Variants in KCNQ1OT1 observed in about 807,000 individuals in gnomAD.
The protein encoded by KCNQ1OT1 is KCNQ1 antisense RNA 2 (non-protein coding).
Position 2,671,829 on chromosome 11 carries a change from G to T in KCNQ1OT1, n.28166C>A, listed in dbSNP as rs745620194. On this transcript the variant is annotated non_coding_transcript_exon_variant, in exon 1 of 1. Transcript: ENST00000597346. The surrounding 1 kb of genome is among the most constrained non-coding windows in gnomAD (Gnocchi z 4.7). ...AATAAATCCCTGCAACCCCACTGTG[G>T]TTATAGGTCTGAGCCTTCTGCCCCA... 2.1e-4 allele frequency: 84 copies of T among 398,690 alleles called. No homozygotes were observed. Among genetic ancestry groups the T allele is most frequent in the Non-Finnish European group, 3.3e-4 (75 of 226,184 alleles). 24.7% of individuals were successfully genotyped at this position (398,690 alleles called of 1,614,324 possible).
In KCNQ1OT1 at chr11:2,657,081, T is replaced by C. The variant is rs1849863551; in HGVS notation, n.42914A>G. 2.5e-6 allele frequency: 1 copy of C among 398,654 alleles called. No homozygotes were observed. Among genetic ancestry groups the C allele is most frequent in the Admixed American group, 4.4e-5 (1 of 22,738 alleles). 24.7% of individuals were successfully genotyped at this position (398,654 alleles called of 1,614,324 possible). On this transcript the variant is annotated non_coding_transcript_exon_variant, in exon 1 of 1. Coordinates refer to ENST00000597346, the Ensembl canonical transcript of KCNQ1OT1. This position sits in a 1 kb window ranked among gnomAD's most constrained non-coding sequence, Gnocchi z 4.8. Reference sequence around the variant, plus strand: ...GCTCAATCCTGTCCCATTGGCCTATTTGTCTCTCCCTGTGTCAATACCACA... The same window carrying C: ...GCTCAATCCTGTCCCATTGGCCTATCTGTCTCTCCCTGTGTCAATACCACA...
exon 1 of KCNQ1OT1, chr11:2,675,266 A>G: frequency 2.5e-6 from 1 of 398,650 alleles, no homozygotes; most frequent in Non-Finnish European, 4.4e-6. Flanking sequence ...AGAAGTGAAG[A>G]TAACTCACCT....
chr11:2,685,858 C>T, exon 1 of KCNQ1OT1: 1 of 398,742 alleles, frequency 2.5e-6, no homozygotes, highest in Non-Finnish European at 4.4e-6. Flanking sequence ...CCTGCTTCAC[C>T]CAGGACTCAG....
At chr11:2,618,885 G>C (rs918342847) in exon 1 of KCNQ1OT1, 4 of 398,032 alleles carry the variant, frequency 1.0e-5, no homozygotes, top group African/African-American at 4.1e-5. Context: ...TCAGTGTACA[G>C]GTCTTTCATC....
exon 1 of KCNQ1OT1, chr11:2,610,408 G>C (rs113796600): frequency 4.5e-5 from 18 of 398,192 alleles, no homozygotes; most frequent in African/African-American, 2.9e-4. Context: ...TATATTTCTA[G>C]TTTCTGTTTT....
chr11:2,656,279 A>G (rs531168771), exon 1 of KCNQ1OT1: 5 of 398,660 alleles, frequency 1.3e-5, no homozygotes, highest in South Asian at 1.3e-4. Context: ...CTCAGCCCCA[A>G]ATCTCTAAAA....
chr11:2,678,477 ACT>A lies in KCNQ1OT1; in HGVS notation n.21516_21517del, dbSNP rs1326426580. On this transcript the variant is annotated non_coding_transcript_exon_variant, in exon 1 of 1. Coordinates refer to ENST00000597346, the Ensembl canonical transcript of KCNQ1OT1. This position sits in a 1 kb window ranked among gnomAD's most constrained non-coding sequence, Gnocchi z 4.9. The stretch of plus-strand genomic sequence containing the variant: ...AACTGCTACCTTTATCATATTTCAA[ACT>A]CTCATTTAATTTGTGTCCATTTCTA... 3 of 398,224 alleles carry A rather than the reference ACT, an allele frequency of 7.5e-6. No individual in the cohort carries two copies. The highest frequency in any genetic ancestry group is 1.3e-5 in the Non-Finnish European group (3 of 226,028). 24.7% of individuals were successfully genotyped at this position (398,224 alleles called of 1,614,324 possible). A position where few individuals can be genotyped will look rare whatever the true frequency, so the allele number is the denominator to read the frequency against.
exon 1 of KCNQ1OT1, chr11:2,685,223 G>A: frequency 2.5e-6 from 1 of 398,654 alleles, no homozygotes. Context: ...ACACACGGAG[G>A]CACTACTTCA....
chr11:2,660,206 T>A (rs1171544119), exon 1 of KCNQ1OT1: 3 of 398,288 alleles, frequency 7.5e-6, no homozygotes, highest in African/African-American at 6.2e-5. Context: ...TCAGTAAGTT[T>A]GTATGTAGTA....
exon 1 of KCNQ1OT1, chr11:2,610,581 G>T: frequency 2.5e-6 from 1 of 398,328 alleles, no homozygotes; most frequent in Non-Finnish European, 4.4e-6. Flanking sequence ...CTTCCTTTTT[G>T]CCTGAAGAAC....
In KCNQ1OT1 at chr11:2,623,270, C is replaced by T. The variant is rs1370108797; in HGVS notation, n.76725G>A. ...ACTGTGAGTCAATTAAACCTCTTTT[C>T]TCACAAATTACCCAGTCTCAGGTAG... On this transcript the variant is annotated non_coding_transcript_exon_variant, in exon 1 of 1. Transcript: ENST00000597346. This position sits in a 1 kb window ranked among gnomAD's most constrained non-coding sequence, Gnocchi z 5.2. 2.5e-6 allele frequency: 1 copy of T among 398,632 alleles called. No individual in the cohort carries two copies. The highest frequency in any genetic ancestry group is 4.4e-6 in the Non-Finnish European group (1 of 226,140). 24.7% of individuals were successfully genotyped at this position (398,632 alleles called of 1,614,324 possible). A position where few individuals can be genotyped will look rare whatever the true frequency, so the allele number is the denominator to read the frequency against.
rs140861756 is a variant in KCNQ1OT1 at position 2,647,618 on chromosome 11, G to A, written n.52377C>T. On this transcript the variant is annotated non_coding_transcript_exon_variant, in exon 1 of 1. Transcript: ENST00000597346. This position sits in a 1 kb window ranked among gnomAD's most constrained non-coding sequence, Gnocchi z 4.0. ...TTTGGTAGAATTCAGTAGAAAACCC[G>A]TGCAATCCTGAGGTTTTCTTTACTG... The A allele has an allele frequency of 2.5e-4, 98 of 398,488 alleles. No individual in the cohort carries two copies. In the East Asian group the frequency reaches 2.8e-3, roughly 11 times the overall value. 24.7% of individuals were successfully genotyped at this position (398,488 alleles called of 1,614,324 possible). A position where few individuals can be genotyped will look rare whatever the true frequency, so the allele number is the denominator to read the frequency against.
Position 2,647,887 on chromosome 11 carries a change from A to G in KCNQ1OT1, n.52108T>C, listed in dbSNP as rs1849690781. 1 of 398,184 alleles carries G rather than the reference A, an allele frequency of 2.5e-6. No homozygotes were observed. The highest frequency in any genetic ancestry group is 3.6e-5 in the East Asian group (1 of 28,076). 24.7% of individuals were successfully genotyped at this position (398,184 alleles called of 1,614,324 possible). ...TTTATTGGGTCTTCTTGGTTAGTCT[A>G]GCTAATGGTTTATTGATTTTCTCTT... On this transcript the variant is annotated non_coding_transcript_exon_variant, in exon 1 of 1. Coordinates refer to ENST00000597346, the Ensembl canonical transcript of KCNQ1OT1. This position sits in a 1 kb window ranked among gnomAD's most constrained non-coding sequence, Gnocchi z 4.0.
rs539965145 is a variant in KCNQ1OT1, at chr11:2,693,137, G to C, written n.6858C>G. The C allele has an allele frequency of 1.8e-5, 7 of 398,652 alleles. No homozygotes were observed. In the South Asian group the frequency reaches 7.6e-4, roughly 43 times the overall value. 24.7% of individuals were successfully genotyped at this position (398,652 alleles called of 1,614,324 possible). A position where few individuals can be genotyped will look rare whatever the true frequency, so the allele number is the denominator to read the frequency against. On this transcript the variant is annotated non_coding_transcript_exon_variant, in exon 1 of 1. Coordinates refer to ENST00000597346, the Ensembl canonical transcript of KCNQ1OT1. ...CAAGACTACTTTCTGTCAATCACCA[G>C]ATAGCCCTCAGTCTACACTCTGTGA...
rs766757995 is a variant in KCNQ1OT1 at position 2,683,118 on chromosome 11, C to G, written n.16877G>C. On this transcript the variant is annotated non_coding_transcript_exon_variant, in exon 1 of 1. Coordinates refer to ENST00000597346, the Ensembl canonical transcript of KCNQ1OT1. The surrounding 1 kb of genome is among the most constrained non-coding windows in gnomAD (Gnocchi z 4.7). ...TTTCTTGTTCCCAGGATATATCGCA[C>G]CAACTCAGGAGGGTGTGGGGATGGG... 81 of 343,596 alleles carry G rather than the reference C, an allele frequency of 2.4e-4. No individual in the cohort carries two copies. The highest frequency in any genetic ancestry group is 3.3e-4 in the Non-Finnish European group (71 of 212,206). The allele number at this position is 343,596 out of a possible 1,614,324, so 21.3% of individuals were successfully genotyped here.
exon 1 of KCNQ1OT1, chr11:2,666,035 C>A: frequency 2.5e-6 from 1 of 398,670 alleles, no homozygotes; most frequent in Non-Finnish European, 4.4e-6. Flanking sequence ...ACATGGATAC[C>A]TGAGATAGAC....
In KCNQ1OT1 at chr11:2,653,606, C is replaced by T. The variant is rs1849791913; in HGVS notation, n.46389G>A. The T allele has an allele frequency of 2.5e-6, 1 of 398,532 alleles. No individual in the cohort carries two copies. The highest frequency in any genetic ancestry group is 4.4e-6 in the Non-Finnish European group (1 of 226,102). 24.7% of individuals were successfully genotyped at this position (398,532 alleles called of 1,614,324 possible). On this transcript the variant is annotated non_coding_transcript_exon_variant, in exon 1 of 1. Transcript: ENST00000597346. This position sits in a 1 kb window ranked among gnomAD's most constrained non-coding sequence, Gnocchi z 5.3. Reference sequence around the variant, plus strand: ...TTTCCCTTGCTCTCTATCCATTGGCCCCATGGGATGGCTGTATCCTTAGGC... The same window carrying T: ...TTTCCCTTGCTCTCTATCCATTGGCTCCATGGGATGGCTGTATCCTTAGGC...
chr11:2,698,444 AC>A lies in KCNQ1OT1; in HGVS notation n.1550del, dbSNP rs35957135. ...CTTCAAGCCTACTACCCAGACTGAG[AC>A]CTGCATCTGATCAACTCTCATCTCC... On this transcript the variant is annotated non_coding_transcript_exon_variant, in exon 1 of 1. Transcript: ENST00000597346. This position sits in a 1 kb window ranked among gnomAD's most constrained non-coding sequence, Gnocchi z 5.1. The A allele has an allele frequency of 0.36, 144,175 of 398,058 alleles. 30,090 individuals are homozygous for A. Among genetic ancestry groups the A allele is most frequent in the East Asian group, 0.83 (23,265 of 28,040 alleles). The allele number at this position is 398,058 out of a possible 1,614,324, so 24.7% of individuals were successfully genotyped here.
exon 1 of KCNQ1OT1, chr11:2,640,460 A>AT (rs1467898615): frequency 1.8e-5 from 7 of 397,996 alleles, no homozygotes; most frequent in Middle Eastern, 6.2e-4. Context: ...TAACTTCTTA[A>AT]TTTTTTGTAG....
Sources: allele counts gnomAD v4.1 joint callset, GRCh38; gene constraint gnomAD v4.1.1; non-coding constraint Gnocchi (gnomAD v3.1); transcripts MANE v1.5; gene names NCBI Gene and HGNC (gene_info 2026-07-23, HGNC 2026-07-21).